The following CBLB variants were observed in gnomAD, a reference collection of about 807,000 sequenced individuals.
The protein encoded by CBLB is Cbl proto-oncogene B.
CBLB carries 31 observed loss-of-function variants against 104.9 expected under a neutral mutation model. That is an observed-to-expected ratio of 0.30 (90% CI 0.22 to 0.40). The LOEUF is 0.40. Ranked by LOEUF, CBLB falls within the 10% of genes least tolerant of loss-of-function variation. The probability of loss-of-function intolerance (pLI) is 1.00; values close to 1 mark genes in which losing one functional copy is unlikely to be tolerated. For synonymous variants in CBLB, 440 were observed against 422.6 expected (o/e 1.04, Z -0.51); for missense variants, 1,062 against 1,214.6 (o/e 0.87, Z 1.87).
At chr3:105,665,155 C>A (rs1252913233) in intron 18 of CBLB, among the ~76,000 whole-genome samples, 1 of 151,914 alleles carries the variant, frequency 6.6e-6, no homozygotes, top group Non-Finnish European at 1.5e-5. Context: ...ATAATCCTAG[C>A]AGTTTGAGAG....
chr3:105,706,017 C>A (rs902200600), intron 10 of CBLB, among the ~76,000 whole-genome samples: 1 of 151,932 alleles, frequency 6.6e-6, no homozygotes, highest in African/African-American at 2.4e-5. Context: ...GTGATACACG[C>A]CTCCAGTCCC....
chr3:105,736,094 A>T (rs970054664), intron 8 of CBLB, among the ~76,000 whole-genome samples: 4 of 152,168 alleles, frequency 2.6e-5, no homozygotes, highest in Non-Finnish European at 4.4e-5. Flanking sequence ...CTACTGTCTT[A>T]AAAAAAGCTG....
intron 18 of CBLB, among the ~76,000 whole-genome samples, chr3:105,666,813 A>G (rs566912981): frequency 6.6e-6 from 1 of 152,354 alleles, no homozygotes; most frequent in East Asian, 1.9e-4. Flanking sequence ...TTTGTAAGGA[A>G]AACAACTCTA....
chr3:105,718,543 T>A (rs2152821955), intron 10 of CBLB, among the ~76,000 whole-genome samples: 1 of 152,274 alleles, frequency 6.6e-6, no homozygotes, highest in South Asian at 2.1e-4. Context: ...ACCAAGCATT[T>A]CCTTCCTACA....
intron 4 of CBLB, among the ~76,000 whole-genome samples, chr3:105,774,916 C>T (rs1383707438): frequency 1.3e-5 from 2 of 151,918 alleles, no homozygotes; most frequent in Non-Finnish European, 2.9e-5. Flanking sequence ...TGAAGGTTAC[C>T]GACTGTTTGA....
intron 4 of CBLB, among the ~76,000 whole-genome samples, chr3:105,756,140 T>G (rs1343629358): frequency 6.6e-6 from 1 of 152,196 alleles, no homozygotes; most frequent in African/African-American, 2.4e-5. Flanking sequence ...ATAGAAGATG[T>G]ACTAAAACTT....
chr3:105,753,742 T>C (rs2152914913), intron 4 of CBLB, among the ~76,000 whole-genome samples: 1 of 152,260 alleles, frequency 6.6e-6, no homozygotes, highest in East Asian at 1.9e-4. Flanking sequence ...CAAATAGACA[T>C]CTTCCACATC....
chr3:105,685,375 G>C lies in CBLB; in HGVS notation c.2146C>G (p.Pro716Ala), dbSNP rs996228030. The C allele has an allele frequency of 1.2e-6, 2 of 1,613,152 alleles. No individual in the cohort carries two copies. The highest frequency in any genetic ancestry group is 1.3e-5 in the African/African-American group (1 of 75,002). The change falls in exon 14 of 19, where the codon CCT (proline) becomes GCT (alanine). Residue 716 changes from proline to alanine, a missense_variant. Pro to Ala is a conservative substitution (Grantham distance 27, BLOSUM62 -1). Coordinates refer to ENST00000394030, the MANE Select transcript of CBLB (RefSeq NM_170662.5). ...DDEYKIPSSH[P>A]VSLNSQPSHC... ...GATGGTTGTGAATTCAGGGAAACAG[G>C]GTGGGATGAAGGAATCTTGTATTCA...
intron 2 of CBLB, among the ~76,000 whole-genome samples, chr3:105,856,615 T>C (rs185197304): frequency 6.6e-5 from 10 of 152,278 alleles, no homozygotes; most frequent in African/African-American, 2.4e-4. Context: ...ATAGTTTGAT[T>C]GTATTATTTC....
At chr3:105,748,392 T>TA (rs1192700544) in intron 5 of CBLB, among the ~76,000 whole-genome samples, 3 of 152,128 alleles carry the variant, frequency 2.0e-5, no homozygotes, top group Non-Finnish European at 4.4e-5. Flanking sequence ...CACTATTCCA[T>TA]TGATGCTACA....
intron 9 of CBLB, among the ~76,000 whole-genome samples, chr3:105,725,791 A>C (rs908638999): frequency 2.6e-5 from 4 of 152,226 alleles, no homozygotes; most frequent in Non-Finnish European, 5.9e-5. Flanking sequence ...CTGAGGCTAG[A>C]AATGTGAAGA....
intron 13 of CBLB, among the ~76,000 whole-genome samples, chr3:105,688,269 T>C (rs1180692751): frequency 2.0e-5 from 3 of 152,046 alleles, no homozygotes; most frequent in Non-Finnish European, 2.9e-5. Context: ...TGTTCTGCAC[T>C]GATGCTGTTA....
In CBLB at chr3:105,681,813, C is replaced by A. The variant is rs774765289; in HGVS notation, c.2207G>T (p.Cys736Phe). The change falls in exon 15 of 19, where the codon TGT becomes TTT. Residue 736 changes from cysteine (C) to phenylalanine (F), a missense_variant. Transcript: ENST00000394030. Reference sequence around the variant, plus strand: ...ATTCAGCATACAGTGACCATTATCACAAGACCTAAAGGACAGTTCAGAGTA... The same window carrying A: ...ATTCAGCATACAGTGACCATTATCAAAAGACCTAAAGGACAGTTCAGAGTA... ...CHNVKPPVRS[C>F]DNGHCMLNGT... 6.3e-7 allele frequency: 1 copy of A among 1,592,908 alleles called. No individual in the cohort carries two copies. The highest frequency in any genetic ancestry group is 8.6e-7 in the Non-Finnish European group (1 of 1,161,372).
intron 3 of CBLB, among the ~76,000 whole-genome samples, chr3:105,852,919 G>T (rs2091142180): frequency 1.3e-5 from 2 of 152,064 alleles, no homozygotes; most frequent in Non-Finnish European, 2.9e-5. Context: ...GTTTCTCCAT[G>T]TTGGTCAGGC....
chr3:105,808,399 T>C (rs1031175978), intron 3 of CBLB, among the ~76,000 whole-genome samples: 2 of 152,228 alleles, frequency 1.3e-5, no homozygotes, highest in African/African-American at 4.8e-5. Context: ...GTCTTTATTT[T>C]ACAGGTAAGT....
At chr3:105,829,095 C>T (rs930888131) in intron 3 of CBLB, among the ~76,000 whole-genome samples, 1 of 150,292 alleles carries the variant, frequency 6.7e-6, no homozygotes, top group Non-Finnish European at 1.5e-5. Context: ...TTTTTTTAAT[C>T]CCCTGTCCTC....
intron 6 of CBLB, among the ~76,000 whole-genome samples, chr3:105,742,889 CCTT>C (rs147713793): frequency 0.072 from 11,017 of 152,080 alleles, 500 homozygotes; most frequent in Admixed American, 0.12. Context: ...TAATTCATGT[CCTT>C]CTCTGTTGCT....
chr3:105,675,093 TATA>T (rs1405243173), intron 17 of CBLB, among the ~76,000 whole-genome samples: 1 of 151,856 alleles, frequency 6.6e-6, no homozygotes, highest in Admixed American at 6.6e-5. Context: ...AGGTACTTAG[TATA>T]ATATCATGAG....
intron 16 of CBLB, chr3:105,681,090 G>A (rs566855561): frequency 8.0e-5 from 20 of 248,584 alleles, no homozygotes; most frequent in South Asian, 4.9e-4. Flanking sequence ...TTTAATTAGC[G>A]TAAGTGGAAC....
Sources: gnomAD v4.1 joint callset for allele counts (sites outside exome capture counted in the v4.1 genomes callset) on GRCh38, gnomAD v4.1.1 for gene constraint, MANE v1.5 for transcripts, NCBI Gene and HGNC (gene_info 2026-07-23, HGNC 2026-07-21) for gene names.